CRK: variants seen among roughly 807,000 people sequenced by gnomAD.
CRK encodes adapter molecule crk.
In CRK, 4 loss-of-function variants were observed where a neutral mutation model predicts 29.8. The ratio of observed to expected loss-of-function variants is 0.13; its 90% CI spans 0.07 to 0.31. The LOEUF (loss-of-function observed/expected upper bound fraction) is 0.31, where lower values mean the gene tolerates loss of function less well. CRK is among the 10% of genes least tolerant of loss of function. The pLI is 1.00. For missense variants in CRK, 274 were observed against 396.5 expected, an observed-to-expected ratio of 0.69 and a Z score of 2.62; for synonymous variants, 153 against 164.9, an observed-to-expected ratio of 0.93 and a Z score of 0.55.
chr17:1,424,975 C>T (rs576700317), intron 2 of CRK: 1 of 152,108 alleles, frequency 6.6e-6, no homozygotes, highest in African/African-American at 2.4e-5. Flanking sequence ...GATCACATCA[C>T]TGCACTCCAG....
Position 1,422,893 on chromosome 17 carries a change from G to T in CRK, c.*620C>A. 2.5e-6 allele frequency: 1 copy of T among 398,830 alleles called. No homozygotes were observed. Among genetic ancestry groups the T allele is most frequent in the South Asian group, 1.3e-4 (1 of 7,728 alleles). The allele number at this position is 398,830 out of a possible 1,614,324, so 24.7% of individuals were successfully genotyped here. A position where few individuals can be genotyped will look rare whatever the true frequency, so the allele number is the denominator to read the frequency against. ...AGGAATTCACCTACTTACAGGTTTG[G>T]GGGACAAGAATGTCAAGGGCTAAAA... On this transcript the variant is annotated 3_prime_UTR_variant, in exon 3 of 3. Coordinates refer to ENST00000300574, the MANE Select transcript of CRK (RefSeq NM_016823.4).
At chr17:1,426,107 C>T (rs1428558897) in intron 2 of CRK, 1 of 152,278 alleles carries the variant, frequency 6.6e-6, no homozygotes, top group Non-Finnish European at 1.5e-5. Flanking sequence ...ACTTGGGAGG[C>T]TGAGGTAGGA....
intron 2 of CRK, among the ~76,000 whole-genome samples, chr17:1,427,020 A>G (rs1262591840): frequency 8.9e-6 from 1 of 112,150 alleles, no homozygotes; most frequent in Non-Finnish European, 1.7e-5. Context: ...CGACAGAGCA[A>G]AACTGTCTCC....
intron 2 of CRK, among the ~76,000 whole-genome samples, chr17:1,425,092 T>A (rs962658892): frequency 1.8e-4 from 27 of 151,942 alleles, no homozygotes; most frequent in Non-Finnish European, 3.1e-4. Flanking sequence ...TAAAGGTTTT[T>A]TTTGTTTGTT....
At chr17:1,443,399 T>C (rs1441100743) in intron 1 of CRK, among the ~76,000 whole-genome samples, 1 of 151,842 alleles carries the variant, frequency 6.6e-6, no homozygotes, top group Non-Finnish European at 1.5e-5. Flanking sequence ...TTATTTTTAC[T>C]TTATTATCAT....
Position 1,437,005 on chromosome 17 carries a change from T to A in CRK, c.392A>T (p.Gln131Leu). The A allele has an allele frequency of 6.2e-7, 1 of 1,614,168 alleles. No homozygotes were observed. The highest frequency in any genetic ancestry group is 8.5e-7 in the Non-Finnish European group (1 of 1,180,038). Residue 131 changes from glutamine to leucine, a missense_variant, in exon 2 of 3, where the codon CAG becomes CTG. Physicochemically the swap from Gln to Leu is moderately radical, Grantham distance 113. This residue lies in a region of CRK where 135 missense variants were observed against 180.9 expected (regional missense o/e 0.75). Coordinates refer to ENST00000300574, the MANE Select transcript of CRK (RefSeq NM_016823.4). ...GGCTCGCACATACTCCGCCTCCTCCTGCCTGAGAATCACTCCACTACCCTG... is the reference window on the plus strand; with the variant it reads ...GGCTCGCACATACTCCGCCTCCTCCAGCCTGAGAATCACTCCACTACCCTG... ...SRQGSGVILR[Q>L]EEAEYVRALF...
At chr17:1,434,858 A>G (rs1455961457) in intron 2 of CRK, among the ~76,000 whole-genome samples, 1 of 152,068 alleles carries the variant, frequency 6.6e-6, no homozygotes, top group Non-Finnish European at 1.5e-5. Flanking sequence ...TACTAAAATC[A>G]TAAAACTAGT....
Position 1,456,146 on chromosome 17 carries a change from GCCGC to G in CRK, c.-33_-30del. 2.1e-6 allele frequency: 3 copies of G among 1,456,292 alleles called. No homozygotes were observed. Among genetic ancestry groups the G allele is most frequent in the Non-Finnish European group, 2.7e-6 (3 of 1,104,536 alleles). The allele number at this position is 1,456,292 out of a possible 1,614,324, so 90.2% of individuals were successfully genotyped here. A position where few individuals can be genotyped will look rare whatever the true frequency, so the allele number is the denominator to read the frequency against. On this transcript the variant is annotated 5_prime_UTR_variant, in exon 1 of 3. Transcript: ENST00000300574. The stretch of plus-strand genomic sequence containing the variant: ...TGCCTCCGCGCCTAAACGCTGGGGT[GCCGC>G]CGCCGCGCGCGCCCCTCCGGCCCCC...
chr17:1,449,406 C>T lies in CRK; in HGVS notation c.241+6471G>A, dbSNP rs77236140. On this transcript the variant is annotated intron_variant, in intron 1 of 2. Transcript: ENST00000300574. ...ACACCTCAGTTATGTTATTAAGATT[C>T]GTATACATGAAATGCTTATGGAGTA... Among the ~76,000 whole-genome samples the T allele has an allele frequency of 5.4e-3, 820 of 152,224 alleles. 11 individuals are homozygous for T. Among genetic ancestry groups the T allele is most frequent in the African/African-American group, 0.019 (769 of 41,520 alleles).
At chr17:1,433,621 T>C (rs1446329741) in intron 2 of CRK, among the ~76,000 whole-genome samples, 1 of 143,260 alleles carries the variant, frequency 7.0e-6, no homozygotes, top group Non-Finnish European at 1.5e-5. Context: ...CGGGTTCAAG[T>C]GATTCTCCTG....
At chr17:1,452,501 G>A (rs1249699876) in intron 1 of CRK, among the ~76,000 whole-genome samples, 1 of 152,122 alleles carries the variant, frequency 6.6e-6, no homozygotes, top group African/African-American at 2.4e-5. Context: ...AGGTTATACA[G>A]ACAGGCCAGG....
chr17:1,429,886 G>C (rs552987080), intron 2 of CRK, among the ~76,000 whole-genome samples: 1 of 151,520 alleles, frequency 6.6e-6, no homozygotes, highest in Non-Finnish European at 1.5e-5. Flanking sequence ...AGCTACAACT[G>C]GGCACCCTTG....
intron 1 of CRK, among the ~76,000 whole-genome samples, chr17:1,444,315 C>T (rs1476133325): frequency 1.3e-5 from 2 of 152,098 alleles, no homozygotes; most frequent in East Asian, 1.9e-4. Flanking sequence ...CTAATTATTT[C>T]GTTCAATGTT....
rs145050491 is a variant in CRK, at chr17:1,421,341, A to G, written c.*2172T>C. On this transcript the variant is annotated 3_prime_UTR_variant, in exon 3 of 3. Coordinates refer to ENST00000300574, the MANE Select transcript of CRK (RefSeq NM_016823.4). ...TCAGTTGTGACAAGGTTTTTCTACAAGTATTTTTGATGCCATACTTTCAGG... is the reference window on the plus strand; with the variant it reads ...TCAGTTGTGACAAGGTTTTTCTACAGGTATTTTTGATGCCATACTTTCAGG... The G allele has an allele frequency of 6.6e-6, 1 of 152,374 alleles. No individual in the cohort carries two copies. The highest frequency in any genetic ancestry group is 2.4e-5 in the African/African-American group (1 of 41,596). 9.4% of individuals were successfully genotyped at this position (152,374 alleles called of 1,614,324 possible). A position where few individuals can be genotyped will look rare whatever the true frequency, so the allele number is the denominator to read the frequency against.
chr17:1,451,982 C>G (rs1166442135), intron 1 of CRK, among the ~76,000 whole-genome samples: 2 of 152,074 alleles, frequency 1.3e-5, no homozygotes, highest in African/African-American at 4.8e-5. Context: ...GAGCGAAACT[C>G]CATCCAAAAA....
At chr17:1,447,653 G>A (rs1412237588) in intron 1 of CRK, among the ~76,000 whole-genome samples, 1 of 140,978 alleles carries the variant, frequency 7.1e-6, no homozygotes, top group Non-Finnish European at 1.5e-5. Context: ...CTGTTGCCCA[G>A]GCTGGAGTAC....
chr17:1,444,992 CAAA>C (rs1470088906), intron 1 of CRK, among the ~76,000 whole-genome samples: 1 of 150,550 alleles, frequency 6.6e-6, no homozygotes, highest in Non-Finnish European at 1.5e-5. Context: ...ACTAAAAATA[CAAA>C]AAATTAGCCG....
At chr17:1,446,590 C>CT (rs56660089) in intron 1 of CRK, among the ~76,000 whole-genome samples, 17,152 of 125,234 alleles carry the variant, frequency 0.14, 1,856 homozygotes, top group African/African-American at 0.25. Flanking sequence ...CTCACTATGA[C>CT]TTTTTTTTTT....
At chr17:1,427,192 G>A (rs1007315363) in intron 2 of CRK, among the ~76,000 whole-genome samples, 1 of 150,426 alleles carries the variant, frequency 6.6e-6, no homozygotes, top group Non-Finnish European at 1.5e-5. Context: ...TCAGGAGGCT[G>A]AGGCAGGAGG....
Sources: allele counts gnomAD v4.1 joint callset (sites outside exome capture counted in the v4.1 genomes callset), GRCh38; gene constraint gnomAD v4.1.1; regional missense constraint gnomAD v4.1.1; transcripts MANE v1.5; gene names NCBI Gene and HGNC (gene_info 2026-07-23, HGNC 2026-07-21).